Variants in LPP observed in about 807,000 individuals in gnomAD.
LPP encodes the protein LIM domain containing preferred translocation partner in lipoma.
A neutral mutation model predicts 60.4 loss-of-function variants in LPP; 38 were observed. The observed-to-expected ratio is 0.63, with a 90% confidence interval of 0.49 to 0.83. LPP has a LOEUF of 0.83. Ranked by LOEUF, LPP falls within the 40% of genes least tolerant of loss-of-function variation. LPP has a pLI of 0.00. For synonymous variants in LPP, 328 were observed against 290.8 expected, an observed-to-expected ratio of 1.13 and a Z score of -1.30; for missense variants, 902 against 783.6, an observed-to-expected ratio of 1.15 and a Z score of -1.80.
At chr3:188,651,904 T>G (rs1213675663) in intron 7 of LPP, among the ~76,000 whole-genome samples, 1 of 152,146 alleles carries the variant, frequency 6.6e-6, no homozygotes, top group Non-Finnish European at 1.5e-5. Context: ...ATCTTTTTGG[T>G]CTTTATAACA....
At chr3:188,748,644 A>G (rs890843759) in intron 8 of LPP, among the ~76,000 whole-genome samples, 3 of 152,060 alleles carry the variant, frequency 2.0e-5, no homozygotes, top group African/African-American at 7.2e-5. Flanking sequence ...TTAGCTGGGC[A>G]TGGTGACGTG....
chr3:188,562,437 A>G (rs1043266925), intron 6 of LPP: 4 of 152,076 alleles, frequency 2.6e-5, no homozygotes, highest in East Asian at 1.9e-4. Context: ...ACTGAAGTCA[A>G]TCCTAGAAAG....
intron 7 of LPP, among the ~76,000 whole-genome samples, chr3:188,678,923 T>G: frequency 6.6e-6 from 1 of 152,224 alleles, no homozygotes; most frequent in East Asian, 1.9e-4. Flanking sequence ...TCTCCTCACT[T>G]GAAGAATGGC....
chr3:188,578,520 C>T (rs777594330), intron 6 of LPP, among the ~76,000 whole-genome samples: 3 of 152,148 alleles, frequency 2.0e-5, no homozygotes, highest in African/African-American at 4.8e-5. Context: ...ATAATATTAA[C>T]TTAATCCACA....
intron 7 of LPP, among the ~76,000 whole-genome samples, chr3:188,696,376 T>A (rs2149525808): frequency 6.6e-6 from 1 of 152,330 alleles, no homozygotes; most frequent in Non-Finnish European, 1.5e-5. Context: ...CTCATGCCTG[T>A]AATCCCAGCA....
At chr3:188,817,727 A>G (rs1023454361) in intron 9 of LPP, among the ~76,000 whole-genome samples, 2 of 152,208 alleles carry the variant, frequency 1.3e-5, no homozygotes, top group Non-Finnish European at 2.9e-5. Context: ...CTTTGTATAC[A>G]GAACAAAAAT....
chr3:188,770,667 C>T (rs1043140651), intron 9 of LPP, among the ~76,000 whole-genome samples: 1 of 151,908 alleles, frequency 6.6e-6, no homozygotes, highest in Non-Finnish European at 1.5e-5. Flanking sequence ...TGTGATCAGG[C>T]CATAAAGTTA....
chr3:188,241,117 G>A (rs75831513), intron 2 of LPP, among the ~76,000 whole-genome samples: 1,976 of 152,266 alleles, frequency 0.013, 45 homozygotes, highest in African/African-American at 0.045. Flanking sequence ...AATGTTCCAC[G>A]TAGTGGCTGC....
chr3:188,765,548 C>T (rs1453660486), intron 9 of LPP, among the ~76,000 whole-genome samples: 5 of 152,094 alleles, frequency 3.3e-5, no homozygotes, highest in Non-Finnish European at 7.3e-5. Flanking sequence ...CCTAGTAGAG[C>T]CTTGTGAAAT....
intron 8 of LPP, among the ~76,000 whole-genome samples, chr3:188,747,096 C>T (rs1355159607): frequency 1.3e-5 from 2 of 152,110 alleles, no homozygotes; most frequent in African/African-American, 2.4e-5. Flanking sequence ...GAAAATGTGG[C>T]CAGCTCAGGT....
At chr3:188,487,586 G>A (rs912157275) in intron 5 of LPP, among the ~76,000 whole-genome samples, 1 of 152,200 alleles carries the variant, frequency 6.6e-6, no homozygotes, top group South Asian at 2.1e-4. Context: ...TTATTTTTGA[G>A]ACGCTTCATA....
intron 9 of LPP, among the ~76,000 whole-genome samples, chr3:188,766,925 A>G (rs1734340493): frequency 6.6e-6 from 1 of 152,164 alleles, no homozygotes. Context: ...CACACACACA[A>G]TGAGATCATA....
At chr3:188,634,055 A>G (rs775274266) in intron 7 of LPP, among the ~76,000 whole-genome samples, 2 of 152,244 alleles carry the variant, frequency 1.3e-5, no homozygotes, top group Non-Finnish European at 2.9e-5. Flanking sequence ...AAAAGTCTGC[A>G]TGAAAATATT....
intron 6 of LPP, among the ~76,000 whole-genome samples, chr3:188,593,410 T>G (rs1839350399): frequency 6.6e-6 from 1 of 152,172 alleles, no homozygotes; most frequent in Non-Finnish European, 1.5e-5. Context: ...AATATATTCA[T>G]TCATTCATTG....
intron 9 of LPP, among the ~76,000 whole-genome samples, chr3:188,822,140 G>A (rs1469837189): frequency 6.6e-6 from 1 of 152,122 alleles, no homozygotes; most frequent in Non-Finnish European, 1.5e-5. Flanking sequence ...GTCTCTACTA[G>A]CTAAGTTGTC....
chr3:188,196,022 C>T (rs568185928), intron 1 of LPP, among the ~76,000 whole-genome samples: 16 of 152,236 alleles, frequency 1.1e-4, no homozygotes, highest in South Asian at 2.1e-4. Context: ...TGTTCTTGTC[C>T]GGGTCTAGAG....
At chr3:188,514,529 C>T (rs1484871362) in intron 5 of LPP, among the ~76,000 whole-genome samples, 4 of 151,958 alleles carry the variant, frequency 2.6e-5, no homozygotes, top group African/African-American at 4.8e-5. Context: ...CTCTACCTCC[C>T]GGGTGGGTTC....
At chr3:188,835,896 A>G (rs1354065625) in intron 9 of LPP, among the ~76,000 whole-genome samples, 4 of 152,204 alleles carry the variant, frequency 2.6e-5, no homozygotes, top group Non-Finnish European at 5.9e-5. Flanking sequence ...TTTCATTTGA[A>G]GGGAAACCAT....
intron 3 of LPP, among the ~76,000 whole-genome samples, chr3:188,378,420 C>T (rs1025544805): frequency 1.3e-5 from 2 of 152,182 alleles, no homozygotes; most frequent in African/African-American, 4.8e-5. Context: ...TGGCAGGCGC[C>T]CCTCCCCCAG....
Sources: allele counts gnomAD v4.1 joint callset (sites outside exome capture counted in the v4.1 genomes callset), GRCh38; gene constraint gnomAD v4.1.1; transcripts MANE v1.5; gene names NCBI Gene and HGNC (gene_info 2026-07-23, HGNC 2026-07-21).